GALNTL6: variants seen among roughly 807,000 people sequenced by gnomAD.
GALNTL6 encodes the protein polypeptide N-acetylgalactosaminyltransferase like 6, also known as polypeptide N-acetylgalactosaminyltransferase-like 6.
In GALNTL6, 46 loss-of-function variants were observed where a neutral mutation model predicts 73.7. The observed-to-expected ratio is 0.62, with a 90% CI of 0.49 to 0.80. GALNTL6 has a LOEUF of 0.80. Among genes scored for constraint, GALNTL6 ranks in the 30% least tolerant of loss-of-function variants. The probability of loss-of-function intolerance (pLI) is 0.00; values close to 1 mark genes in which losing one functional copy is unlikely to be tolerated. For synonymous variants in GALNTL6, 259 were observed against 263.7 expected, an observed-to-expected ratio of 0.98 and a Z score of 0.17; for missense variants, 604 against 755.0, an observed-to-expected ratio of 0.80 and a Z score of 2.34.
At chr4:172,392,058 G>A (rs534053285) in intron 5 of GALNTL6, among the ~76,000 whole-genome samples, 3 of 151,956 alleles carry the variant, frequency 2.0e-5, no homozygotes, top group Non-Finnish European at 4.4e-5. Context: ...GCACGATCTC[G>A]GCTCACTGCA....
At chr4:172,499,040 T>C (rs1734169105) in intron 5 of GALNTL6, among the ~76,000 whole-genome samples, 1 of 152,200 alleles carries the variant, frequency 6.6e-6, no homozygotes, top group Non-Finnish European at 1.5e-5. Flanking sequence ...ATTGCACTCC[T>C]TCTTCCACCA....
intron 2 of GALNTL6, among the ~76,000 whole-genome samples, chr4:172,110,184 G>A (rs759489555): frequency 5.3e-5 from 8 of 152,038 alleles, no homozygotes; most frequent in Non-Finnish European, 8.8e-5. Context: ...TTTTTTGAGC[G>A]ATGTTATGAG....
At chr4:172,599,314 G>A (rs558485503) in intron 5 of GALNTL6, among the ~76,000 whole-genome samples, 55 of 150,928 alleles carry the variant, frequency 3.6e-4, no homozygotes, top group South Asian at 6.4e-4. Context: ...TCATTTTGTC[G>A]TTATGTATAA....
intron 5 of GALNTL6, among the ~76,000 whole-genome samples, chr4:172,512,561 T>C (rs556516128): frequency 6.6e-6 from 1 of 152,088 alleles, no homozygotes; most frequent in Admixed American, 6.6e-5. Context: ...TCTAAGAAGG[T>C]TCTATTTTGG....
chr4:172,503,548 ATG>A (rs141571710), intron 5 of GALNTL6, among the ~76,000 whole-genome samples: 2,610 of 53,296 alleles, frequency 0.049, 144 homozygotes, highest in African/African-American at 0.079. Flanking sequence ...ATATATATAT[ATG>A]TATTAGTTTT....
intron 2 of GALNTL6, among the ~76,000 whole-genome samples, chr4:171,903,311 C>A (rs772773749): frequency 6.6e-6 from 1 of 152,034 alleles, no homozygotes; most frequent in Non-Finnish European, 1.5e-5. Flanking sequence ...TGAAGCAGGG[C>A]GAGGCATTGC....
At chr4:172,993,520 T>C (rs763226747) in intron 10 of GALNTL6, among the ~76,000 whole-genome samples, 6 of 152,218 alleles carry the variant, frequency 3.9e-5, no homozygotes, top group Non-Finnish European at 7.3e-5. Flanking sequence ...TGAGGTTACA[T>C]TACAGACCAC....
chr4:172,399,430 T>C (rs114574168), intron 5 of GALNTL6, among the ~76,000 whole-genome samples: 3,858 of 152,114 alleles, frequency 0.025, 166 homozygotes, highest in African/African-American at 0.087. Flanking sequence ...TTAGTACAAA[T>C]TGTCTTTATT....
chr4:171,968,940 G>A (rs985854071), intron 2 of GALNTL6, among the ~76,000 whole-genome samples: 2 of 151,730 alleles, frequency 1.3e-5, no homozygotes, highest in Non-Finnish European at 2.9e-5. Context: ...AGGTTCAAGC[G>A]ATTTTCCTGC....
At chr4:172,968,225 A>C (rs1750420341) in intron 10 of GALNTL6, among the ~76,000 whole-genome samples, 1 of 152,194 alleles carries the variant, frequency 6.6e-6, no homozygotes, top group Admixed American at 6.5e-5. Context: ...GAAAAGAAAA[A>C]GGGGAGTACT....
At chr4:172,308,615 G>A (rs1016216620) in intron 3 of GALNTL6, among the ~76,000 whole-genome samples, 3 of 151,978 alleles carry the variant, frequency 2.0e-5, no homozygotes, top group Non-Finnish European at 2.9e-5. Context: ...TTAGTTCTGT[G>A]TATGTGGTGT....
chr4:172,545,079 T>TTGCTCCTC (rs1476649160), intron 5 of GALNTL6, among the ~76,000 whole-genome samples: 3 of 152,208 alleles, frequency 2.0e-5, no homozygotes, highest in Non-Finnish European at 4.4e-5. Context: ...CTTTGCTACT[T>TTGCTCCTC]TGCTCCTCCA....
chr4:172,532,276 A>T (rs1158928028), intron 5 of GALNTL6, among the ~76,000 whole-genome samples: 2 of 152,198 alleles, frequency 1.3e-5, no homozygotes, highest in African/African-American at 2.4e-5. Flanking sequence ...AAGAAGAGAG[A>T]CAGACACACA....
At chr4:172,125,215 A>G (rs553323314) in intron 2 of GALNTL6, among the ~76,000 whole-genome samples, 1 of 152,306 alleles carries the variant, frequency 6.6e-6, no homozygotes, top group East Asian at 1.9e-4. Flanking sequence ...AAGCTTCAAG[A>G]GGAAAAATCT....
intron 5 of GALNTL6, among the ~76,000 whole-genome samples, chr4:172,451,098 T>A (rs777805178): frequency 3.1e-4 from 47 of 152,132 alleles, no homozygotes; most frequent in Non-Finnish European, 5.9e-4. Context: ...TAGAAACAGG[T>A]CTCTATTCTC....
At chr4:172,540,958 G>T (rs1735530462) in intron 5 of GALNTL6, among the ~76,000 whole-genome samples, 1 of 152,182 alleles carries the variant, frequency 6.6e-6, no homozygotes, top group South Asian at 2.1e-4. Flanking sequence ...GAAAGGCCTA[G>T]AAACGGAAGG....
Position 172,600,439 on chromosome 4 carries a change from A to G in GALNTL6, c.554-208922A>G, listed in dbSNP as rs80178099. Among the ~76,000 whole-genome samples the G allele has an allele frequency of 5.6e-3, 851 of 152,236 alleles. 8 individuals are homozygous for G. The highest frequency in any genetic ancestry group is 0.019 in the African/African-American group (796 of 41,554). ...CAGCAGAGAAGACTTGCTGAATTGA[A>G]AAGAGATAAACTCGAGTTCCGGAAG... On this transcript the variant is annotated intron_variant, in intron 5 of 12. Transcript: ENST00000506823.
At chr4:172,403,667 A>T (rs753144612) in intron 5 of GALNTL6, among the ~76,000 whole-genome samples, 1 of 152,050 alleles carries the variant, frequency 6.6e-6, no homozygotes, top group African/African-American at 2.4e-5. Context: ...ATATATTTGC[A>T]TAGACACATA....
At chr4:172,527,361 C>G (rs1734994036) in intron 5 of GALNTL6, among the ~76,000 whole-genome samples, 1 of 152,114 alleles carries the variant, frequency 6.6e-6, no homozygotes, top group Non-Finnish European at 1.5e-5. Flanking sequence ...TTGCCACCAA[C>G]ATATTGACCA....
Sources: allele counts gnomAD v4.1 joint callset (sites outside exome capture counted in the v4.1 genomes callset), GRCh38; gene constraint gnomAD v4.1.1; transcripts MANE v1.5; gene names NCBI Gene and HGNC (gene_info 2026-07-23, HGNC 2026-07-21).